NLGN1: variants seen among roughly 807,000 people sequenced by gnomAD.
The protein encoded by NLGN1 is neuroligin 1.
NLGN1 carries 12 observed loss-of-function variants against 65.5 expected under a neutral mutation model. The ratio of observed to expected loss-of-function variants is 0.18; its 90% CI spans 0.12 to 0.30. The LOEUF is 0.30. Among genes scored for constraint, NLGN1 ranks in the 10% least tolerant of loss-of-function variants. The pLI, the probability that NLGN1 is intolerant of heterozygous loss-of-function variation, is 1.00. For synonymous variants in NLGN1, 350 were observed against 359.5 expected, an observed-to-expected ratio of 0.97 and a Z score of 0.30; for missense variants, 750 against 1,007.1, an observed-to-expected ratio of 0.74 and a Z score of 3.46.
rs562357555 is a variant in NLGN1, at chr3:173,532,818, A to T, written c.-320-71461A>T. On this transcript the variant is annotated intron_variant, in intron 2 of 6. Transcript: ENST00000457714. ...TAGTGACTCACAAGTACAAATACTT[A>T]TTCTCCCTGATACTCCATGTTTATT... Among the ~76,000 whole-genome samples, 41 of 152,308 alleles carry T rather than the reference A, an allele frequency of 2.7e-4. No individual in the cohort carries two copies. The South Asian group carries it at 7.9e-3, about 29-fold the overall frequency.
At chr3:174,252,438 C>CA (rs1361413906) in intron 4 of NLGN1, among the ~76,000 whole-genome samples, 1 of 151,182 alleles carries the variant, frequency 6.6e-6, no homozygotes, top group Non-Finnish European at 1.5e-5. Context: ...ACTAGTAAAG[C>CA]AAAAAAGAAA....
chr3:174,094,434 G>A (rs570636308), intron 4 of NLGN1, among the ~76,000 whole-genome samples: 6 of 151,154 alleles, frequency 4.0e-5, no homozygotes, highest in African/African-American at 7.3e-5. Flanking sequence ...ACACAAATTC[G>A]TAAACTTTTT....
rs111700667 is a variant in NLGN1 at position 173,569,279 on chromosome 3, T to C, written c.-320-35000T>C. 7.9e-3 allele frequency among the ~76,000 whole-genome samples: 1,200 copies of C among 152,238 alleles called. 22 individuals are homozygous for C. Among genetic ancestry groups the C allele is most frequent in the African/African-American group, 0.028 (1,152 of 41,564 alleles). On this transcript the variant is annotated intron_variant, in intron 2 of 6. Transcript: ENST00000457714. ...ACCTGGGATTGTGAGCTTTAGTTTATTTACTTATTACTTCAAAATCTATTA... is the reference window on the plus strand; with the variant it reads ...ACCTGGGATTGTGAGCTTTAGTTTACTTACTTATTACTTCAAAATCTATTA...
rs1455988091 is a variant in NLGN1 at position 174,270,255 on chromosome 3, C to CTT, written c.647-5059_647-5058dup. On this transcript the variant is annotated intron_variant, in intron 4 of 6. Coordinates refer to ENST00000457714, the Ensembl canonical transcript of NLGN1. ...TTGCCACATCGAATTTCCTGAAATT[C>CTT]TTAATCTATATTTTATTTTAGGAGT... 3.5e-5 allele frequency among the ~76,000 whole-genome samples: 5 copies of CTT among 143,724 alleles called. No homozygotes were observed. The East Asian group carries it at 8.4e-4, about 24-fold the overall frequency. 94.3% of individuals were successfully genotyped at this position (143,724 alleles called of 152,430 possible). A position where few individuals can be genotyped will look rare whatever the true frequency, so the allele number is the denominator to read the frequency against.
intron 4 of NLGN1, among the ~76,000 whole-genome samples, chr3:174,025,477 A>G (rs1289718080): frequency 1.3e-5 from 2 of 152,216 alleles, no homozygotes; most frequent in African/African-American, 2.4e-5. Flanking sequence ...GAAATATTAT[A>G]CAGAATATAC....
chr3:173,714,200 A>G (rs1374475421), intron 3 of NLGN1, among the ~76,000 whole-genome samples: 1 of 152,084 alleles, frequency 6.6e-6, no homozygotes, highest in Non-Finnish European at 1.5e-5. Flanking sequence ...TGGAATTGGA[A>G]ATGGGCTCTG....
chr3:174,169,226 A>G (rs925670245), intron 4 of NLGN1, among the ~76,000 whole-genome samples: 1 of 152,134 alleles, frequency 6.6e-6, no homozygotes, highest in East Asian at 1.9e-4. Context: ...ATCTCTGCAC[A>G]AGAAGAGTGG....
chr3:173,935,601 C>T (rs1050507467), intron 4 of NLGN1, among the ~76,000 whole-genome samples: 7 of 101,114 alleles, frequency 6.9e-5, no homozygotes, highest in Non-Finnish European at 1.4e-4. Flanking sequence ...TCTACACACA[C>T]ACACACACAC....
chr3:173,498,798 T>A (rs1328033632), intron 2 of NLGN1, among the ~76,000 whole-genome samples: 3 of 151,814 alleles, frequency 2.0e-5, no homozygotes, highest in Non-Finnish European at 2.9e-5. Context: ...ATTTCTCTGA[T>A]GGCCAGTGAT....
intron 3 of NLGN1, among the ~76,000 whole-genome samples, chr3:173,621,408 C>T (rs1259924666): frequency 6.6e-6 from 1 of 152,020 alleles, no homozygotes; most frequent in African/African-American, 2.4e-5. Flanking sequence ...TTGATTAGAG[C>T]ACATAAAATA....
At chr3:173,422,727 G>T (rs186427047) in intron 1 of NLGN1, among the ~76,000 whole-genome samples, 2 of 152,136 alleles carry the variant, frequency 1.3e-5, no homozygotes, top group African/African-American at 4.8e-5. Flanking sequence ...TAGTAATGTT[G>T]AACACTTTTT....
chr3:174,033,008 A>C (rs112965816), intron 4 of NLGN1, among the ~76,000 whole-genome samples: 4 of 150,444 alleles, frequency 2.7e-5, no homozygotes, highest in African/African-American at 9.9e-5. Flanking sequence ...CTATCTATAT[A>C]TATAGATCTA....
chr3:173,469,701 A>G (rs1413039057), intron 2 of NLGN1, among the ~76,000 whole-genome samples: 1 of 151,698 alleles, frequency 6.6e-6, no homozygotes, highest in Non-Finnish European at 1.5e-5. Flanking sequence ...GTTCCAAAAC[A>G]CTTTCAACAC....
At chr3:173,485,508 T>C (rs191375584) in intron 2 of NLGN1, among the ~76,000 whole-genome samples, 140 of 152,314 alleles carry the variant, frequency 9.2e-4, no homozygotes, top group Middle Eastern at 6.8e-3. Context: ...GGGAGTCGTA[T>C]TGAATTTACA....
chr3:174,203,057 C>A (rs1056133157), intron 4 of NLGN1, among the ~76,000 whole-genome samples: 1 of 151,944 alleles, frequency 6.6e-6, no homozygotes, highest in African/African-American at 2.4e-5. Flanking sequence ...AGGTACCTGA[C>A]CCAAAAAGAT....
intron 3 of NLGN1, among the ~76,000 whole-genome samples, chr3:173,776,020 A>T (rs772767122): frequency 1.3e-5 from 2 of 152,070 alleles, no homozygotes; most frequent in Non-Finnish European, 2.9e-5. Context: ...TATCAACATT[A>T]GCTTATCTGT....
exon 7 of NLGN1, chr3:174,284,295 A>G (rs1456159144): frequency 6.6e-6 from 1 of 151,330 alleles, no homozygotes; most frequent in Admixed American, 6.6e-5. Context: ...AGGATGCCCC[A>G]CATTATACAG....
At chr3:173,517,155 G>A (rs1216236261) in intron 2 of NLGN1, among the ~76,000 whole-genome samples, 2 of 152,088 alleles carry the variant, frequency 1.3e-5, no homozygotes, top group African/African-American at 2.4e-5. Context: ...GTTGTTCAAA[G>A]AGGGATATAT....
At chr3:173,729,397 A>G (rs895246103) in intron 3 of NLGN1, among the ~76,000 whole-genome samples, 4 of 152,086 alleles carry the variant, frequency 2.6e-5, no homozygotes, top group Non-Finnish European at 5.9e-5. Flanking sequence ...GGGCATTACA[A>G]TAACTTCATT....
Sources: gnomAD v4.1 joint callset for allele counts (sites outside exome capture counted in the v4.1 genomes callset) on GRCh38, gnomAD v4.1.1 for gene constraint, MANE v1.5 for transcripts, NCBI Gene and HGNC (gene_info 2026-07-23, HGNC 2026-07-21) for gene names.